Variants in ITPR1 observed in about 807,000 individuals in gnomAD.
ITPR1 encodes the protein inositol 1,4,5-trisphosphate-gated calcium channel ITPR1.
In ITPR1, 96 loss-of-function variants were observed where a neutral mutation model predicts 318.4. The observed-to-expected ratio is 0.30, with a 90% confidence interval of 0.26 to 0.36. ITPR1 has a LOEUF of 0.36. ITPR1 is among the 10% of genes least tolerant of loss of function. The pLI, the probability that ITPR1 is intolerant of heterozygous loss-of-function variation, is 1.00. For missense variants in ITPR1, 2,440 were observed against 3,460.2 expected (o/e 0.71, Z 7.40); for synonymous variants, 1,312 against 1,289.9 (o/e 1.02, Z -0.37).
chr3:4,623,143 T>A (rs1222166654), intron 4 of ITPR1, among the ~76,000 whole-genome samples: 1 of 152,194 alleles, frequency 6.6e-6, no homozygotes, highest in Non-Finnish European at 1.5e-5. Flanking sequence ...CCATCTCCTC[T>A]TAAGTGTGCA....
chr3:4,680,565 G>A lies in ITPR1; in HGVS notation c.2980G>A (p.Val994Met), dbSNP rs776228202. 5.0e-6 allele frequency: 8 copies of A among 1,612,968 alleles called. No homozygotes were observed. In the Admixed American group the frequency reaches 6.7e-5, roughly 13 times the overall value. ...IIEILQFILNVRLDYRISCLL... is the reference protein window; with the variant it reads ...IIEILQFILNMRLDYRISCLL... ...CTTGAATCTTTAGTTTATTTTGAAT[G>A]TGAGGTTGGATTATAGGATCTCCTG... The change falls in exon 25 of 62, where the codon GTG (valine) becomes ATG (methionine). Residue 994 changes from valine (V) to methionine (M), a missense_variant. Physicochemically the swap from Val to Met is conservative, Grantham distance 21. This residue lies in a region of ITPR1 where 478 missense variants were observed against 696.3 expected (regional missense o/e 0.69). Transcript: ENST00000649015.
In ITPR1 at chr3:4,846,876, T is replaced by C. The variant is rs181050042; in HGVS notation, c.*651T>C. The C allele has an allele frequency of 2.0e-5, 3 of 152,780 alleles. No individual in the cohort carries two copies. The highest frequency in any genetic ancestry group is 2.0e-4 in the Admixed American group (3 of 15,302). 9.5% of individuals were successfully genotyped at this position (152,780 alleles called of 1,614,324 possible). ...GCATTCATTTTAAGAAAAGCAACTT[T>C]AGTTTCAAAGATACTTTTAAGCTTC... On this transcript the variant is annotated 3_prime_UTR_variant, in exon 62 of 62. Coordinates refer to ENST00000649015, the MANE Select transcript of ITPR1 (RefSeq NM_001378452.1).
chr3:4,619,780 G>C (rs1228893836), intron 4 of ITPR1, among the ~76,000 whole-genome samples: 1 of 83,652 alleles, frequency 1.2e-5, no homozygotes, highest in Non-Finnish European at 2.5e-5. Context: ...GCCCTCCCCT[G>C]CTCTCCTCTG....
rs533102914 is a variant in ITPR1, at chr3:4,563,351, T to C, written c.163+42257T>C. On this transcript the variant is annotated intron_variant, in intron 4 of 61. Transcript: ENST00000649015. ...AGGGACACCGTACGTCTACAAAGAA[T>C]AAAAAAAATTAGCTGGGCATGGTGA... Among the ~76,000 whole-genome samples the C allele has an allele frequency of 1.1e-3, 161 of 151,638 alleles. 1 individual carries two copies. Among genetic ancestry groups the C allele is most frequent in the African/African-American group, 3.8e-3 (157 of 41,322 alleles).
intron 4 of ITPR1, among the ~76,000 whole-genome samples, chr3:4,585,948 T>C (rs1312968481): frequency 1.7e-5 from 2 of 120,592 alleles, no homozygotes; most frequent in African/African-American, 6.3e-5. Context: ...GGCCCCAGCA[T>C]GTGATGATCC....
At chr3:4,580,918 A>G (rs1201203099) in intron 4 of ITPR1, among the ~76,000 whole-genome samples, 1 of 152,116 alleles carries the variant, frequency 6.6e-6, no homozygotes, top group East Asian at 1.9e-4. Context: ...ATCTCGGAGC[A>G]GCCAATATTT....
At chr3:4,521,204 T>G in intron 4 of ITPR1, 110 bp downstream of exon 4, 1 of 697,072 alleles carries the variant, frequency 1.4e-6, no homozygotes, top group Non-Finnish European at 2.5e-6. Context: ...ATTTATTATG[T>G]ATTTTTTTCA....
rs548360485 is a variant in ITPR1, at chr3:4,567,253, T to C, written c.163+46159T>C. Reference sequence around the variant, plus strand: ...ACAATTTCATACTTTGTTGTCACTATTTTTCTTTAGCTCTTACTCTTTTTT... The same window carrying C: ...ACAATTTCATACTTTGTTGTCACTACTTTTCTTTAGCTCTTACTCTTTTTT... On this transcript the variant is annotated intron_variant, in intron 4 of 61. Coordinates refer to ENST00000649015, the MANE Select transcript of ITPR1 (RefSeq NM_001378452.1). Among the ~76,000 whole-genome samples the C allele has an allele frequency of 2.6e-4, 39 of 152,198 alleles. 1 individual carries two copies. The highest frequency in any genetic ancestry group is 9.2e-4 in the African/African-American group (38 of 41,448).
At chr3:4,639,588 C>A in intron 6 of ITPR1, 118 bp downstream of exon 6, 2 of 704,442 alleles carry the variant, frequency 2.8e-6, no homozygotes, top group Admixed American at 2.8e-5. Context: ...TGGAGGCAGC[C>A]AGTTTATTGC....
chr3:4,836,825 A>C lies in ITPR1; in HGVS notation c.8080A>C (p.Ser2694Arg), dbSNP rs1242501714. ...PRMRAMSLVS[S>R]DSEGEQNELR... ...GATGAGAGCCATGTCATTGGTCAGC[A>C]GTGATTCTGAAGGAGAACAGAATGA... Residue 2694 changes from serine (S) to arginine (R), a missense_variant, in exon 61 of 62, where the codon AGT becomes CGT. By Grantham distance (110) the Ser-to-Arg change is moderately radical. Around this residue, in one of 23 missense-constraint regions of ITPR1, gnomAD observed 72 missense variants for 197.7 expected, o/e 0.36. Coordinates refer to ENST00000649015, the MANE Select transcript of ITPR1 (RefSeq NM_001378452.1). The C allele has an allele frequency of 6.4e-7, 1 of 1,557,322 alleles. No homozygotes were observed. Among genetic ancestry groups the C allele is most frequent in the South Asian group, 1.2e-5 (1 of 83,036 alleles).
chr3:4,717,441 G>A (rs2041854919), intron 40 of ITPR1, 42 bp downstream of exon 40: 1 of 1,484,552 alleles, frequency 6.7e-7, no homozygotes, highest in Non-Finnish European at 9.3e-7. Flanking sequence ...TCTCATGGTG[G>A]TGTTTCCGTG....
chr3:4,578,640 T>A (rs1448479749), intron 4 of ITPR1, among the ~76,000 whole-genome samples: 1 of 152,208 alleles, frequency 6.6e-6, no homozygotes, highest in Non-Finnish European at 1.5e-5. Flanking sequence ...GTTACCGTTG[T>A]TCATAGAGCC....
chr3:4,832,832 G>A (rs1001008188), intron 60 of ITPR1, among the ~76,000 whole-genome samples: 19 of 152,328 alleles, frequency 1.2e-4, no homozygotes, highest in African/African-American at 4.3e-4. Flanking sequence ...AGCAGCACAA[G>A]ACGCAGGGCA....
chr3:4,524,326 TTTA>T (rs1302511512), intron 4 of ITPR1, among the ~76,000 whole-genome samples: 13 of 149,202 alleles, frequency 8.7e-5, no homozygotes, highest in African/African-American at 3.3e-4. Context: ...TTTTTTTTTT[TTTA>T]AATGAAGAGA....
rs1339942480 is a variant in ITPR1 at position 4,699,880 on chromosome 3, T to G, written c.4475T>G (p.Val1492Gly). Residue 1492 changes from valine to glycine, a missense_variant, in exon 35 of 62, where the codon GTC (valine) becomes GGC (glycine). Coordinates refer to ENST00000649015, the MANE Select transcript of ITPR1 (RefSeq NM_001378452.1). ...TTGGAGAAGTATGTCACCGAAATCG[T>G]CATGAGTATTGTTACTACTTTCTTC... ...SILEKYVTEIVMSIVTTFFSS... is the reference protein window; with the variant it reads ...SILEKYVTEIGMSIVTTFFSS... 6.2e-7 allele frequency: 1 copy of G among 1,613,706 alleles called. No individual in the cohort carries two copies. Among genetic ancestry groups the G allele is most frequent in the South Asian group, 1.1e-5 (1 of 91,074 alleles).
intron 4 of ITPR1, among the ~76,000 whole-genome samples, chr3:4,586,375 C>T (rs1449894666): frequency 6.6e-6 from 1 of 152,236 alleles, no homozygotes; most frequent in East Asian, 1.9e-4. Flanking sequence ...AGAGGATTAA[C>T]ATGCCCACAG....
intron 24 of ITPR1, among the ~76,000 whole-genome samples, chr3:4,679,418 G>A (rs937585712): frequency 2.0e-5 from 3 of 152,226 alleles, no homozygotes; most frequent in Non-Finnish European, 2.9e-5. Flanking sequence ...CCAAGGCTGA[G>A]AACCAGGGGA....
At chr3:4,629,658 C>T (rs2092952337) in intron 5 of ITPR1, among the ~76,000 whole-genome samples, 1 of 152,186 alleles carries the variant, frequency 6.6e-6, no homozygotes, top group Non-Finnish European at 1.5e-5. Context: ...GTATAACAGT[C>T]TTAACCCTGT....
intron 6 of ITPR1, 118 bp from the exon 7 acceptor site, chr3:4,641,975 T>A (rs756818686): frequency 5.4e-6 from 4 of 745,382 alleles, no homozygotes; most frequent in African/African-American, 3.6e-5. Context: ...TTCTCTGGCT[T>A]CACCAGCAGC....
Sources: gnomAD v4.1 joint callset for allele counts (sites outside exome capture counted in the v4.1 genomes callset) on GRCh38, gnomAD v4.1.1 for gene constraint, gnomAD v4.1.1 regional missense constraint, MANE v1.5 for transcripts, NCBI Gene and HGNC (gene_info 2026-07-23, HGNC 2026-07-21) for gene names.